DACH2: variants seen among roughly 807,000 people sequenced by gnomAD.
DACH2 encodes the protein dachshund family transcription factor 2.
DACH2 carries 17 observed loss-of-function variants against 35.8 expected under a neutral mutation model. The observed-to-expected ratio is 0.48, with a 90% confidence interval of 0.33 to 0.71. DACH2 has a LOEUF of 0.71. Among genes scored for constraint, DACH2 ranks in the 30% least tolerant of loss-of-function variants. DACH2 has a pLI of 0.02. For missense variants in DACH2, 469 were observed against 472.7 expected (o/e 0.99, Z 0.07); for synonymous variants, 195 against 177.3 (o/e 1.10, Z -0.79).
intron 6 of DACH2, among the ~76,000 whole-genome samples, chrX:86,726,161 C>T (rs190961123): frequency 3.2e-4 from 36 of 111,523 alleles, no homozygotes; most frequent in Admixed American, 2.4e-3. Flanking sequence ...GAGCACCATG[C>T]GCAGGTAGCT....
At chrX:86,465,958 G>A (rs2037659214) in intron 2 of DACH2, among the ~76,000 whole-genome samples, 1 of 111,734 alleles carries the variant, frequency 8.9e-6, no homozygotes, top group South Asian at 3.8e-4. Context: ...TTGTGGGTGA[G>A]ATAAGTAGTG....
chrX:86,660,108 A>G (rs149198554), intron 4 of DACH2, among the ~76,000 whole-genome samples: 83 of 111,495 alleles, frequency 7.4e-4, no homozygotes, highest in South Asian at 4.5e-3. Context: ...CCTCAACTTA[A>G]CATTTATTCA....
chrX:86,685,275 A>G (rs1263566347), intron 4 of DACH2, among the ~76,000 whole-genome samples: 1 of 111,992 alleles, frequency 8.9e-6, no homozygotes, highest in African/African-American at 3.2e-5. Flanking sequence ...GCCAATGGCC[A>G]ACCACTGCCC....
intron 1 of DACH2, among the ~76,000 whole-genome samples, chrX:86,157,846 G>A (rs943289269): frequency 9.0e-6 from 1 of 110,858 alleles, no homozygotes; most frequent in Non-Finnish European, 1.9e-5. Context: ...AATGCATTAT[G>A]TATGTTATGT....
At chrX:86,610,929 T>TAG (rs1451537307) in intron 3 of DACH2, among the ~76,000 whole-genome samples, 1 of 110,923 alleles carries the variant, frequency 9.0e-6, no homozygotes, top group Non-Finnish European at 1.9e-5. Context: ...CTGGTGACTA[T>TAG]AGTTCAAGAC....
intron 3 of DACH2, among the ~76,000 whole-genome samples, chrX:86,571,190 T>A (rs2039362456): frequency 9.0e-6 from 1 of 111,387 alleles, no homozygotes; most frequent in Admixed American, 9.6e-5. Flanking sequence ...TTGTTAAAAA[T>A]CTTTTCCACA....
chrX:86,282,427 T>C (rs1271384658), intron 1 of DACH2, among the ~76,000 whole-genome samples: 1 of 111,698 alleles, frequency 9.0e-6, no homozygotes, highest in Non-Finnish European at 1.9e-5. Context: ...TAATAAATGG[T>C]GTTGGGAAAA....
At chrX:86,659,558 C>T (rs2040582759) in intron 4 of DACH2, among the ~76,000 whole-genome samples, 1 of 111,432 alleles carries the variant, frequency 9.0e-6, no homozygotes, top group South Asian at 3.7e-4. Context: ...TTCCTCCTGT[C>T]CCCAACTATG....
intron 2 of DACH2, among the ~76,000 whole-genome samples, chrX:86,397,981 T>G (rs1482660319): frequency 1.1e-4 from 12 of 111,479 alleles, no homozygotes; most frequent in Admixed American, 3.8e-4. Flanking sequence ...GCTCCTCCTT[T>G]TACCTCTGGT....
intron 3 of DACH2, 38 bp downstream of exon 3, chrX:86,514,429 G>T: frequency 9.0e-7 from 1 of 1,106,403 alleles, no homozygotes; most frequent in Non-Finnish European, 1.2e-6. Flanking sequence ...ATGTCTCTTC[G>T]TACTGCCCAG....
At chrX:86,282,030 G>T (rs1003594145) in intron 1 of DACH2, among the ~76,000 whole-genome samples, 1 of 112,123 alleles carries the variant, frequency 8.9e-6, no homozygotes, top group Non-Finnish European at 1.9e-5. Flanking sequence ...AACATTCTAT[G>T]CTCAGGTATA....
chrX:86,538,043 C>T (rs912278797), intron 3 of DACH2, among the ~76,000 whole-genome samples: 2 of 110,866 alleles, frequency 1.8e-5, no homozygotes, highest in South Asian at 3.9e-4. Context: ...TCTCCCTTTG[C>T]TGACTCTCTT....
intron 2 of DACH2, among the ~76,000 whole-genome samples, chrX:86,455,564 A>T (rs1156555300): frequency 8.9e-6 from 1 of 112,424 alleles, no homozygotes; most frequent in Non-Finnish European, 1.9e-5. Context: ...GTCTGGCCAC[A>T]ATCTGGCAAA....
chrX:86,506,596 T>A (rs1165470710), intron 2 of DACH2, among the ~76,000 whole-genome samples: 1 of 110,648 alleles, frequency 9.0e-6, no homozygotes, highest in African/African-American at 3.3e-5. Flanking sequence ...TGTCTTGCTA[T>A]GTTGCGCAGG....
intron 1 of DACH2, among the ~76,000 whole-genome samples, chrX:86,159,260 G>A (rs1371430710): frequency 1.8e-5 from 2 of 111,327 alleles, no homozygotes; most frequent in Admixed American, 1.9e-4. Context: ...AAACAGAGAT[G>A]AGAGTTGTTT....
chrX:86,253,760 A>G (rs1282436546), intron 1 of DACH2, among the ~76,000 whole-genome samples: 1 of 111,693 alleles, frequency 9.0e-6, no homozygotes, highest in African/African-American at 3.2e-5. Flanking sequence ...AAACCAGGAA[A>G]CTCTGGGATG....
At chrX:86,316,822 A>C (rs2034918485) in intron 1 of DACH2, among the ~76,000 whole-genome samples, 1 of 111,078 alleles carries the variant, frequency 9.0e-6, no homozygotes, top group African/African-American at 3.3e-5. Context: ...AAGGAGGTTT[A>C]GAATATAGGG....
chrX:86,546,379 T>TCTG (rs2038962515), intron 3 of DACH2, among the ~76,000 whole-genome samples: 4 of 71,159 alleles, frequency 5.6e-5, no homozygotes, highest in African/African-American at 3.4e-4. Context: ...TTCTTCTTCT[T>TCTG]CTTCTTCTTC....
At chrX:86,827,688 T>G in intron 11 of DACH2, 1 of 884,626 alleles carries the variant, frequency 1.1e-6, no homozygotes. Flanking sequence ...TGGTTTTCAG[T>G]GAAGTGCATT....
Sources: gnomAD v4.1 joint callset for allele counts (sites outside exome capture counted in the v4.1 genomes callset) on GRCh38, gnomAD v4.1.1 for gene constraint, MANE v1.5 for transcripts, NCBI Gene and HGNC (gene_info 2026-07-23, HGNC 2026-07-21) for gene names.